The following CDH18 variants were observed in gnomAD, a reference collection of about 807,000 sequenced individuals.
CDH18 encodes the protein cadherin 18.
A neutral mutation model predicts 67.9 loss-of-function variants in CDH18; 31 were observed. That is an observed-to-expected ratio of 0.46 (90% CI 0.34 to 0.62). The LOEUF (loss-of-function observed/expected upper bound fraction) is 0.62, where lower values mean the gene tolerates loss of function less well. CDH18 is among the 20% of genes least tolerant of loss of function. The pLI, the probability that CDH18 is intolerant of heterozygous loss-of-function variation, is 0.01. For synonymous variants in CDH18, 362 were observed against 347.2 expected (o/e 1.04, Z -0.48); for missense variants, 890 against 975.5 (o/e 0.91, Z 1.17).
chr5:20,267,664 C>T (rs1391030418), intron 1 of CDH18, among the ~76,000 whole-genome samples: 6 of 152,032 alleles, frequency 3.9e-5, no homozygotes, highest in Admixed American at 1.3e-4. Flanking sequence ...TTGTAGCTAT[C>T]GTAAAAGGGA....
intron 5 of CDH18, among the ~76,000 whole-genome samples, chr5:19,636,546 A>T (rs1034179117): frequency 3.3e-5 from 5 of 151,984 alleles, no homozygotes; most frequent in African/African-American, 1.2e-4. Context: ...TTTACCTTTT[A>T]AAATTTTGAC....
intron 2 of CDH18, among the ~76,000 whole-genome samples, chr5:19,909,108 C>T (rs191419951): frequency 5.3e-5 from 8 of 152,168 alleles, no homozygotes; most frequent in Admixed American, 3.3e-4. Flanking sequence ...GAGAAATAGC[C>T]GTTTTCTGCA....
intron 5 of CDH18, among the ~76,000 whole-genome samples, chr5:19,688,799 T>A (rs1761466129): frequency 6.6e-6 from 1 of 151,988 alleles, no homozygotes; most frequent in Non-Finnish European, 1.5e-5. Flanking sequence ...ATTGAAAACT[T>A]ATTCATGTCC....
chr5:19,608,656 A>G (rs1011815795), intron 6 of CDH18, among the ~76,000 whole-genome samples: 5 of 151,800 alleles, frequency 3.3e-5, no homozygotes. Context: ...TTGATCCTCC[A>G]ATATTACATG....
chr5:19,866,564 G>A (rs964148824), intron 2 of CDH18, among the ~76,000 whole-genome samples: 1 of 152,118 alleles, frequency 6.6e-6, no homozygotes, highest in African/African-American at 2.4e-5. Context: ...AAGTAAGTAG[G>A]GCAGTTTAAT....
intron 1 of CDH18, among the ~76,000 whole-genome samples, chr5:20,368,880 A>G (rs531782447): frequency 5.5e-4 from 83 of 152,266 alleles, no homozygotes; most frequent in African/African-American, 1.9e-3. Flanking sequence ...TAGAGCCTCA[A>G]TGACACAGAT....
chr5:20,141,746 A>T (rs1750257433), intron 2 of CDH18, among the ~76,000 whole-genome samples: 1 of 152,116 alleles, frequency 6.6e-6, no homozygotes, highest in African/African-American at 2.4e-5. Flanking sequence ...TTATTATAGT[A>T]AAAATAAAAG....
intron 9 of CDH18, among the ~76,000 whole-genome samples, chr5:19,521,282 AAAAT>A (rs1391899772): frequency 6.6e-6 from 1 of 152,190 alleles, no homozygotes; most frequent in Admixed American, 6.5e-5. Context: ...CGCTCGGGGA[AAAAT>A]AAATAATAAT....
intron 1 of CDH18, among the ~76,000 whole-genome samples, chr5:20,310,735 CACTT>C (rs887775162): frequency 1.3e-5 from 2 of 152,166 alleles, no homozygotes; most frequent in African/African-American, 2.4e-5. Context: ...CATGCTGTGC[CACTT>C]ACTTCTAGAA....
At chr5:19,638,833 A>G (rs1753556951) in intron 5 of CDH18, among the ~76,000 whole-genome samples, 3 of 152,054 alleles carry the variant, frequency 2.0e-5, no homozygotes, top group Admixed American at 2.0e-4. Context: ...GCTCAATGCA[A>G]AGAGGGATTT....
intron 5 of CDH18, among the ~76,000 whole-genome samples, chr5:19,684,442 T>C (rs1224576358): frequency 2.0e-5 from 3 of 151,080 alleles, no homozygotes; most frequent in East Asian, 3.9e-4. Flanking sequence ...TAATAAAATA[T>C]CATTTTTAAT....
chr5:20,553,606 G>C (rs546607816), intron 1 of CDH18, among the ~76,000 whole-genome samples: 1 of 152,190 alleles, frequency 6.6e-6, no homozygotes, highest in South Asian at 2.1e-4. Flanking sequence ...CTACAGATTA[G>C]ATGTCCCATG....
intron 8 of CDH18, among the ~76,000 whole-genome samples, chr5:19,553,610 T>C (rs1167694159): frequency 6.7e-6 from 1 of 149,698 alleles, no homozygotes. Flanking sequence ...CCCTGTGAGA[T>C]ATTACCACAA....
At chr5:19,502,772 C>A (rs1743467240) in intron 11 of CDH18, 1 of 547,464 alleles carries the variant, frequency 1.8e-6, no homozygotes, top group East Asian at 3.0e-5. Flanking sequence ...ATGTACATTT[C>A]TTGTTTAAAG....
intron 1 of CDH18, among the ~76,000 whole-genome samples, chr5:20,275,232 T>C (rs1248192816): frequency 1.3e-5 from 2 of 152,114 alleles, no homozygotes; most frequent in Non-Finnish European, 2.9e-5. Context: ...GATTGGATCA[T>C]GAGGGTGGAT....
At chr5:20,011,018 TATC>T (rs892542279) in intron 2 of CDH18, among the ~76,000 whole-genome samples, 8 of 152,150 alleles carry the variant, frequency 5.3e-5, no homozygotes, top group African/African-American at 1.9e-4. Context: ...CATTACATAT[TATC>T]ATTTTGCCTC....
chr5:20,371,663 A>G (rs1743011093), intron 1 of CDH18, among the ~76,000 whole-genome samples: 1 of 152,238 alleles, frequency 6.6e-6, no homozygotes, highest in Non-Finnish European at 1.5e-5. Context: ...GATGGGAGAC[A>G]TAAGAACGTT....
chr5:19,799,541 G>C (rs1476829858), intron 3 of CDH18, among the ~76,000 whole-genome samples: 1 of 151,788 alleles, frequency 6.6e-6, no homozygotes, highest in African/African-American at 2.4e-5. Context: ...TGATTGTGGT[G>C]ATGTCATGGG....
At chr5:20,549,201 T>C (rs1294010100) in intron 1 of CDH18, among the ~76,000 whole-genome samples, 1 of 152,194 alleles carries the variant, frequency 6.6e-6, no homozygotes, top group Non-Finnish European at 1.5e-5. Flanking sequence ...TAGGTTCACT[T>C]TGAAATACAA....
Sources: allele counts gnomAD v4.1 joint callset (sites outside exome capture counted in the v4.1 genomes callset), GRCh38; gene constraint gnomAD v4.1.1; transcripts MANE v1.5; gene names NCBI Gene and HGNC (gene_info 2026-07-23, HGNC 2026-07-21).